Variants in HEMK2 observed in about 807,000 individuals in gnomAD.
The protein encoded by HEMK2 is HemK methyltransferase 2, ETF1 glutamine and histone H4 lysine.
chr21:28,621,425 T>C, the HEMK2 span, among the ~76,000 whole-genome samples: 2 of 152,180 alleles, frequency 1.3e-5, no homozygotes, highest in Admixed American at 1.3e-4. Flanking sequence ...GGTGTTCCTA[T>C]ATTGGGTGTA....
At chr21:28,800,359 CT>C in the HEMK2 span, among the ~76,000 whole-genome samples, 78 of 148,424 alleles carry the variant, frequency 5.3e-4, no homozygotes, top group Non-Finnish European at 8.7e-4. Flanking sequence ...TTAATGTAAT[CT>C]TTTTTTTTTA....
At chr21:28,655,675 C>T in the HEMK2 span, among the ~76,000 whole-genome samples, 125 of 152,114 alleles carry the variant, frequency 8.2e-4, no homozygotes, top group Middle Eastern at 3.4e-3. Context: ...ATATCTACTT[C>T]ATAGGATTGT....
At chr21:28,847,584 T>C in the HEMK2 span, among the ~76,000 whole-genome samples, 1 of 152,212 alleles carries the variant, frequency 6.6e-6, no homozygotes, top group Non-Finnish European at 1.5e-5. Context: ...GTTTACTCTG[T>C]TAATAGTTTC....
the HEMK2 span, among the ~76,000 whole-genome samples, chr21:28,648,523 AAGGTATTC>A: frequency 6.6e-6 from 1 of 152,174 alleles, no homozygotes; most frequent in Non-Finnish European, 1.5e-5. Context: ...TCTCACAGGA[AAGGTATTC>A]AGGTAAGGTT....
chr21:28,710,541 T>C, the HEMK2 span, among the ~76,000 whole-genome samples: 2 of 152,220 alleles, frequency 1.3e-5, no homozygotes, highest in East Asian at 1.9e-4. Context: ...AAATACTTTA[T>C]AACTCAGGCA....
At chr21:28,676,163 G>T in the HEMK2 span, among the ~76,000 whole-genome samples, 1 of 152,302 alleles carries the variant, frequency 6.6e-6, no homozygotes, top group East Asian at 1.9e-4. Flanking sequence ...AGACTGGGTG[G>T]CTTCAACTAC....
At chr21:28,770,510 G>A in the HEMK2 span, among the ~76,000 whole-genome samples, 1 of 152,098 alleles carries the variant, frequency 6.6e-6, no homozygotes, top group Non-Finnish European at 1.5e-5. Context: ...CCCAAAGTTT[G>A]TGTGTTAGAA....
At chr21:28,883,065 T>G in the HEMK2 span, 1 of 1,599,590 alleles carries the variant, frequency 6.3e-7, no homozygotes, top group Non-Finnish European at 8.5e-7. Flanking sequence ...CCAGGCATAT[T>G]TCCACTCTGA....
chr21:28,815,202 G>A, the HEMK2 span, among the ~76,000 whole-genome samples: 1 of 141,802 alleles, frequency 7.1e-6, no homozygotes, highest in African/African-American at 2.6e-5. Flanking sequence ...GACACAGGAA[G>A]GGGAACATCA....
the HEMK2 span, among the ~76,000 whole-genome samples, chr21:28,832,309 C>T: frequency 2.6e-5 from 4 of 152,308 alleles, no homozygotes; most frequent in East Asian, 7.7e-4. Flanking sequence ...AATCACAAAG[C>T]TGGGTTGAGA....
At chr21:28,852,929 T>C in the HEMK2 span, among the ~76,000 whole-genome samples, 1 of 152,348 alleles carries the variant, frequency 6.6e-6, no homozygotes, top group Non-Finnish European at 1.5e-5. Flanking sequence ...TACACCCACC[T>C]TGCCTTTGAT....
chr21:28,644,051 A>C, the HEMK2 span, among the ~76,000 whole-genome samples: 1 of 152,194 alleles, frequency 6.6e-6, no homozygotes, highest in African/African-American at 2.4e-5. Flanking sequence ...AGGCACATCA[A>C]ACCCCACTGT....
chr21:28,752,627 A>G, the HEMK2 span, among the ~76,000 whole-genome samples: 1 of 152,260 alleles, frequency 6.6e-6, no homozygotes, highest in Non-Finnish European at 1.5e-5. Context: ...CACAGCGAAC[A>G]GAGCCCTGGG....
chr21:28,792,050 A>G, the HEMK2 span, among the ~76,000 whole-genome samples: 1 of 152,188 alleles, frequency 6.6e-6, no homozygotes, highest in African/African-American at 2.4e-5. Context: ...ATGCATTAGC[A>G]TGCTAAAAGA....
chr21:28,831,462 C>CGAAAGAAAGAAAGAAAGAAA, the HEMK2 span, among the ~76,000 whole-genome samples: 186 of 23,586 alleles, frequency 7.9e-3, 10 homozygotes, highest in Non-Finnish European at 0.012. Context: ...AAGAAAAGAA[C>CGAAAGAAAGAAAGAAAGAAA]GAAAGAAAGA....
At chr21:28,784,397 G>T in the HEMK2 span, among the ~76,000 whole-genome samples, 1 of 151,426 alleles carries the variant, frequency 6.6e-6, no homozygotes, top group African/African-American at 2.4e-5. Flanking sequence ...GTTTGTAAGT[G>T]CACCAATCAG....
chr21:28,824,466 AAC>A, the HEMK2 span, among the ~76,000 whole-genome samples: 3 of 152,250 alleles, frequency 2.0e-5, no homozygotes, highest in African/African-American at 7.2e-5. Context: ...CCATGCAAGA[AAC>A]AGTTTTTACA....
the HEMK2 span, among the ~76,000 whole-genome samples, chr21:28,832,471 C>A: frequency 6.6e-6 from 1 of 152,264 alleles, no homozygotes; most frequent in East Asian, 1.9e-4. Context: ...TACTTTAACT[C>A]TTTTGAACAC....
At chr21:28,834,070 G>C in the HEMK2 span, among the ~76,000 whole-genome samples, 1 of 152,190 alleles carries the variant, frequency 6.6e-6, no homozygotes, top group East Asian at 1.9e-4. Context: ...GCTTGCTTCT[G>C]GGAGCCTGGA....
Sources: allele counts gnomAD v4.1 joint callset (sites outside exome capture counted in the v4.1 genomes callset), GRCh38; gene constraint gnomAD v4.1.1; transcripts MANE v1.5; gene names NCBI Gene and HGNC (gene_info 2026-07-23, HGNC 2026-07-21).